The following TTPAL variants were observed in gnomAD, a reference collection of about 807,000 sequenced individuals.
TTPAL encodes alpha-tocopherol transfer protein-like.
TTPAL carries 21 observed loss-of-function variants against 28.7 expected under a neutral mutation model. The ratio of observed to expected loss-of-function variants is 0.73; its 90% CI spans 0.52 to 1.06. TTPAL has a LOEUF of 1.06. Ranked by LOEUF, TTPAL falls within the 50% of genes least tolerant of loss-of-function variation. The pLI, the probability that TTPAL is intolerant of heterozygous loss-of-function variation, is 0.00. For synonymous variants in TTPAL, 169 were observed against 171.9 expected, an observed-to-expected ratio of 0.98 and a Z score of 0.13; for missense variants, 345 against 425.5, an observed-to-expected ratio of 0.81 and a Z score of 1.67.
At chr20:44,488,424 A>G (rs925633343) in intron 4 of TTPAL, among the ~76,000 whole-genome samples, 1 of 152,180 alleles carries the variant, frequency 6.6e-6, no homozygotes, top group Admixed American at 6.5e-5. Flanking sequence ...AGAAATATCT[A>G]TTGATCAACT....
rs2064220730 is a variant in TTPAL at position 44,492,888 on chromosome 20, T to C, written c.*3347T>C. 6.6e-6 allele frequency: 1 copy of C among 152,388 alleles called. No individual in the cohort carries two copies. The highest frequency in any genetic ancestry group is 2.4e-5 in the African/African-American group (1 of 41,462). The allele number at this position is 152,388 out of a possible 1,614,324, so 9.4% of individuals were successfully genotyped here. A position where few individuals can be genotyped will look rare whatever the true frequency, so the allele number is the denominator to read the frequency against. On this transcript the variant is annotated 3_prime_UTR_variant, in exon 5 of 5. Coordinates refer to ENST00000262605, the MANE Select transcript of TTPAL (RefSeq NM_001039199.3). The stretch of plus-strand genomic sequence containing the variant: ...AATTTTTTTCCTTGCATTTTCTTTT[T>C]TATTCTATTGCTGCTGCAAAAATTA...
chr20:44,476,983 GT>G (rs1356677698), intron 1 of TTPAL, among the ~76,000 whole-genome samples: 1 of 152,356 alleles, frequency 6.6e-6, no homozygotes, highest in African/African-American at 2.4e-5. Context: ...CCCTCAGGGA[GT>G]TTGGGAAGGA....
At chr20:44,481,224 G>A (rs939609205) in intron 2 of TTPAL, among the ~76,000 whole-genome samples, 1 of 152,166 alleles carries the variant, frequency 6.6e-6, no homozygotes, top group Middle Eastern at 3.4e-3. Context: ...TACGAATGGG[G>A]GCTCCCTGCC....
chr20:44,489,122 C>A, intron 4 of TTPAL, 141 bp from the exon 5 acceptor site: 1 of 919,532 alleles, frequency 1.1e-6, no homozygotes, highest in Non-Finnish European at 1.6e-6. Context: ...GCTTTCTGGG[C>A]TGAAAAAGTA....
In TTPAL at chr20:44,493,681, G is replaced by A. The variant is rs1023269810; in HGVS notation, c.*4140G>A. Reference sequence around the variant, plus strand: ...AGAAACATGCCTACTGTTCAGGAAAGATGTCAGTTCTGGTAACACCTCTCT... The same window carrying A: ...AGAAACATGCCTACTGTTCAGGAAAAATGTCAGTTCTGGTAACACCTCTCT... On this transcript the variant is annotated 3_prime_UTR_variant, in exon 5 of 5. Transcript: ENST00000262605. 1.3e-5 allele frequency: 2 copies of A among 152,306 alleles called. No homozygotes were observed. The highest frequency in any genetic ancestry group is 4.8e-5 in the African/African-American group (2 of 41,424). 9.4% of individuals were successfully genotyped at this position (152,306 alleles called of 1,614,324 possible).
Position 44,494,403 on chromosome 20 carries a change from C to T in TTPAL, c.*4862C>T, listed in dbSNP as rs1473237372. The T allele has an allele frequency of 6.5e-6, 1 of 152,728 alleles. No homozygotes were observed. The highest frequency in any genetic ancestry group is 1.5e-5 in the Non-Finnish European group (1 of 68,040). The allele number at this position is 152,728 out of a possible 1,614,324, so 9.5% of individuals were successfully genotyped here. A position where few individuals can be genotyped will look rare whatever the true frequency, so the allele number is the denominator to read the frequency against. ...GACCAGCTTGGGGCACTGTTTCAGC[C>T]ACTGGTCACATTCCTTGCTTCAAAC... On this transcript the variant is annotated 3_prime_UTR_variant, in exon 5 of 5. Coordinates refer to ENST00000262605, the MANE Select transcript of TTPAL (RefSeq NM_001039199.3).
intron 1 of TTPAL, among the ~76,000 whole-genome samples, chr20:44,478,853 G>A (rs1002442007): frequency 1.3e-5 from 2 of 152,162 alleles, no homozygotes; most frequent in South Asian, 2.1e-4. Flanking sequence ...GTGCAGTCAT[G>A]ATCTCGGCTC....
chr20:44,479,197 T>C (rs1336308032), intron 1 of TTPAL, among the ~76,000 whole-genome samples: 1 of 152,152 alleles, frequency 6.6e-6, no homozygotes, highest in Non-Finnish European at 1.5e-5. Context: ...ATCATTATAA[T>C]CAATACTTGT....
chr20:44,492,959 A>G lies in TTPAL; in HGVS notation c.*3418A>G, dbSNP rs1233376246. 2 of 152,292 alleles carry G rather than the reference A, an allele frequency of 1.3e-5. No homozygotes were observed. The allele number at this position is 152,292 out of a possible 1,614,324, so 9.4% of individuals were successfully genotyped here. On this transcript the variant is annotated 3_prime_UTR_variant, in exon 5 of 5. Coordinates refer to ENST00000262605, the MANE Select transcript of TTPAL (RefSeq NM_001039199.3). ...CTTTCATATTTCATCCTGGTTTCAC[A>G]AGGAGTCACTTATCTTAGGAGGTCT...
chr20:44,492,921 A>G lies in TTPAL; in HGVS notation c.*3380A>G, dbSNP rs1295887407. ...TTGCTGCTGCAAAAATTAAGGCAAA[A>G]GTAGCTTTCGATCTTTCATATTTCA... is the stretch of plus-strand genomic sequence containing the variant. On this transcript the variant is annotated 3_prime_UTR_variant, in exon 5 of 5. Coordinates refer to ENST00000262605, the MANE Select transcript of TTPAL (RefSeq NM_001039199.3). 2.6e-5 allele frequency: 4 copies of G among 152,316 alleles called. No homozygotes were observed. Among genetic ancestry groups the G allele is most frequent in the African/African-American group, 7.2e-5 (3 of 41,440 alleles). The allele number at this position is 152,316 out of a possible 1,614,324, so 9.4% of individuals were successfully genotyped here.
chr20:44,484,351 A>G lies in TTPAL; in HGVS notation c.460A>G (p.Ser154Gly). 6.4e-7 allele frequency: 1 copy of G among 1,574,520 alleles called. No homozygotes were observed. Among genetic ancestry groups the G allele is most frequent in the Middle Eastern group, 1.7e-4 (1 of 5,906 alleles). The change falls in exon 3 of 5, where the codon AGC becomes GGC. Residue 154 changes from serine to glycine, a missense_variant. Ser to Gly is a moderately conservative substitution (Grantham distance 56, BLOSUM62 0). Coordinates refer to ENST00000262605, the MANE Select transcript of TTPAL (RefSeq NM_001039199.3). ...TATGACCTTAGACAGATGGATACCAAGCAACTATCCAATTACTGAAAACAT... is the reference window on the plus strand; with the variant it reads ...TATGACCTTAGACAGATGGATACCAGGCAACTATCCAATTACTGAAAACAT... ...VCIRPDRWIP[S>G]NYPITENIRA...
intron 3 of TTPAL, 32 bp from the exon 4 acceptor site, chr20:44,486,564 A>G (rs2064153598): frequency 7.6e-7 from 1 of 1,307,984 alleles, no homozygotes; most frequent in African/African-American, 1.5e-5. Flanking sequence ...GATTCTCCAG[A>G]TGTTCTAAAC....
At chr20:44,486,996 G>A (rs1183891376) in intron 4 of TTPAL, among the ~76,000 whole-genome samples, 1 of 152,156 alleles carries the variant, frequency 6.6e-6, no homozygotes, top group Non-Finnish European at 1.5e-5. Flanking sequence ...TTAGGTGGGT[G>A]TGCCTGGGGC....
chr20:44,483,269 A>G (rs1362112604), intron 2 of TTPAL, among the ~76,000 whole-genome samples: 1 of 152,180 alleles, frequency 6.6e-6, no homozygotes, highest in Non-Finnish European at 1.5e-5. Context: ...TCAGGGGCCC[A>G]AACTCTGGCA....
Position 44,489,279 on chromosome 20 carries a change from C to G in TTPAL, c.767C>G (p.Ser256Cys). The G allele has an allele frequency of 6.2e-7, 1 of 1,613,716 alleles. No homozygotes were observed. Among genetic ancestry groups the G allele is most frequent in the Non-Finnish European group, 8.5e-7 (1 of 1,179,646 alleles). ...KIANRFFLHG[S>C]DLNSLHTNLP... ...CCCTTTTAGTTCTTCCTCCATGGGT[C>G]TGACTTGAACTCTCTCCACACAAAC... Residue 256 changes from serine to cysteine, a missense_variant, in exon 5 of 5, where the codon TCT becomes TGT. Coordinates refer to ENST00000262605, the MANE Select transcript of TTPAL (RefSeq NM_001039199.3).
chr20:44,476,685 G>T (rs2064047236), intron 1 of TTPAL, among the ~76,000 whole-genome samples: 1 of 152,178 alleles, frequency 6.6e-6, no homozygotes, highest in Admixed American at 6.5e-5. Flanking sequence ...GATTAAATGA[G>T]GAAATGGGTA....
chr20:44,482,020 T>TC (rs965004266), intron 2 of TTPAL, among the ~76,000 whole-genome samples: 1 of 152,130 alleles, frequency 6.6e-6, no homozygotes, highest in Non-Finnish European at 1.5e-5. Context: ...ATGAATTTTT[T>TC]CCCCATATGT....
In TTPAL at chr20:44,490,900, A is replaced by AC. The variant is rs1340059654; in HGVS notation, c.*1363dup. 7 of 151,368 alleles carry AC rather than the reference A, an allele frequency of 4.6e-5. No homozygotes were observed. The highest frequency in any genetic ancestry group is 4.0e-4 in the Admixed American group (6 of 15,148). 9.4% of individuals were successfully genotyped at this position (151,368 alleles called of 1,614,324 possible). ...AGACCCGCCTGGCCAAGATGGTGAA[A>AC]CCCCATCTCTACTAAAAATACAAAA... On this transcript the variant is annotated 3_prime_UTR_variant, in exon 5 of 5. Coordinates refer to ENST00000262605, the MANE Select transcript of TTPAL (RefSeq NM_001039199.3).
At position 44,491,452 on chromosome 20, in the gene TTPAL, T is replaced by C. The variant is rs945665664; in HGVS notation, c.*1911T>C. 2 of 152,340 alleles carry C rather than the reference T, an allele frequency of 1.3e-5. No individual in the cohort carries two copies. Among genetic ancestry groups the C allele is most frequent in the Non-Finnish European group, 2.9e-5 (2 of 68,036 alleles). 9.4% of individuals were successfully genotyped at this position (152,340 alleles called of 1,614,324 possible). On this transcript the variant is annotated 3_prime_UTR_variant, in exon 5 of 5. Transcript: ENST00000262605. The stretch of plus-strand genomic sequence containing the variant: ...GACAGCTCAGTTAGGGAGAAAACAA[T>C]ACTCTGAAATTTGAAGGCCAATCTG...
Sources: gnomAD v4.1 joint callset for allele counts (sites outside exome capture counted in the v4.1 genomes callset) on GRCh38, gnomAD v4.1.1 for gene constraint, MANE v1.5 for transcripts, NCBI Gene and HGNC (gene_info 2026-07-23, HGNC 2026-07-21) for gene names.